DNAJC1: variants seen among roughly 807,000 people sequenced by gnomAD.
DNAJC1 encodes the protein dnaJ homolog subfamily C member 1.
Under a neutral mutation model 76.6 loss-of-function variants are expected in DNAJC1, and 58 were observed. That is an observed-to-expected ratio of 0.76 (90% CI 0.61 to 0.94). The LOEUF is 0.94. Among genes scored for constraint, DNAJC1 ranks in the 40% least tolerant of loss-of-function variants. DNAJC1 has a pLI of 0.00. For missense variants in DNAJC1, 689 were observed against 677.3 expected (o/e 1.02, Z -0.19); for synonymous variants, 258 against 267.9 (o/e 0.96, Z 0.36).
At chr10:21,928,621 G>T in intron 2 of DNAJC1, 69 bp from the exon 3 acceptor site, 1 of 1,267,500 alleles carries the variant, frequency 7.9e-7, no homozygotes, top group Non-Finnish European at 1.2e-6. Context: ...GAGGGTGAAG[G>T]CACTACAATA....
intron 9 of DNAJC1, chr10:21,804,021 T>C: frequency 1.0e-6 from 1 of 965,048 alleles, no homozygotes; most frequent in Non-Finnish European, 1.2e-6. Flanking sequence ...GGGATGAATT[T>C]GCAAAAGTTT....
intron 6 of DNAJC1, among the ~76,000 whole-genome samples, chr10:21,910,766 T>C (rs1032273002): frequency 1.4e-5 from 2 of 140,134 alleles, no homozygotes; most frequent in Non-Finnish European, 3.0e-5. Context: ...CACGTTTCCC[T>C]ATGTAACAAA....
rs1197622577 is a variant in DNAJC1 at position 21,882,353 on chromosome 10, T to C, written c.907A>G (p.Thr303Ala). ...TGTTCCTCAATTTCTTCTATGGAAG[T>C]TCCATGATCATAAGACTGAATATAT... ...TTYIQSYDHG[T>A]SIEEIEEQMD... is the part of the protein sequence containing the mutation. Residue 303 changes from threonine (T) to alanine (A), a missense_variant, in exon 8 of 12, where the codon ACT (threonine) becomes GCT (alanine). By Grantham distance (58) the Thr-to-Ala change is moderately conservative. Coordinates refer to ENST00000376980, the MANE Select transcript of DNAJC1 (RefSeq NM_022365.4). 1 of 1,602,372 alleles carries C rather than the reference T, an allele frequency of 6.2e-7. No individual in the cohort carries two copies. Among genetic ancestry groups the C allele is most frequent in the Non-Finnish European group, 8.5e-7 (1 of 1,176,086 alleles).
intron 6 of DNAJC1, among the ~76,000 whole-genome samples, chr10:21,913,944 C>T (rs1198728036): frequency 1.3e-5 from 2 of 152,158 alleles, no homozygotes; most frequent in Non-Finnish European, 2.9e-5. Context: ...CTTCCTGAAG[C>T]TCCCCCTGCT....
intron 6 of DNAJC1, among the ~76,000 whole-genome samples, chr10:21,916,718 A>C (rs1836961809): frequency 6.6e-6 from 1 of 152,146 alleles, no homozygotes; most frequent in African/African-American, 2.4e-5. Flanking sequence ...AATTAATACA[A>C]AGGTCATCAC....
intron 8 of DNAJC1, among the ~76,000 whole-genome samples, chr10:21,809,999 C>T (rs1484691965): frequency 6.6e-6 from 1 of 151,800 alleles, no homozygotes; most frequent in African/African-American, 2.4e-5. Context: ...TGTCTCTCTT[C>T]CTCTTCTTTT....
At chr10:21,841,313 C>A (rs1442711368) in intron 8 of DNAJC1, among the ~76,000 whole-genome samples, 2 of 152,156 alleles carry the variant, frequency 1.3e-5, no homozygotes, top group African/African-American at 4.8e-5. Flanking sequence ...AGTGAACAGG[C>A]AGCCTACAGA....
chr10:21,756,941 C>T (rs1834182470), intron 11 of DNAJC1, among the ~76,000 whole-genome samples, 186 bp from the exon 12 acceptor site: 1 of 152,176 alleles, frequency 6.6e-6, no homozygotes, highest in African/African-American at 2.4e-5. Flanking sequence ...GCGAGAAGGG[C>T]TCCTGCAAGC....
At chr10:21,791,558 G>C (rs1223697332) in intron 9 of DNAJC1, among the ~76,000 whole-genome samples, 1 of 152,078 alleles carries the variant, frequency 6.6e-6, no homozygotes, top group Non-Finnish European at 1.5e-5. Context: ...TCTGACCACA[G>C]TGAAACAAAA....
chr10:21,826,227 A>C (rs1311181885), intron 8 of DNAJC1, among the ~76,000 whole-genome samples: 3 of 151,634 alleles, frequency 2.0e-5, no homozygotes, highest in Non-Finnish European at 2.9e-5. Context: ...AACAAGAATG[A>C]GACTTTGTCC....
chr10:21,785,129 G>C (rs974649879), intron 9 of DNAJC1, among the ~76,000 whole-genome samples: 1 of 152,154 alleles, frequency 6.6e-6, no homozygotes, highest in African/African-American at 2.4e-5. Flanking sequence ...CCAAAGCAAG[G>C]AAACAGCAAT....
intron 9 of DNAJC1, among the ~76,000 whole-genome samples, chr10:21,796,247 G>A (rs960343893): frequency 3.0e-4 from 45 of 152,092 alleles, no homozygotes; most frequent in African/African-American, 1.1e-3. Flanking sequence ...TAGGATTACA[G>A]GTGTGAGCCA....
intron 7 of DNAJC1, among the ~76,000 whole-genome samples, chr10:21,901,948 G>GC (rs1394197551): frequency 6.6e-6 from 1 of 152,152 alleles, no homozygotes; most frequent in Non-Finnish European, 1.5e-5. Context: ...ATACTGTAAT[G>GC]AAGTTAATAA....
At chr10:21,842,457 T>C (rs1438221786) in intron 8 of DNAJC1, among the ~76,000 whole-genome samples, 1 of 152,176 alleles carries the variant, frequency 6.6e-6, no homozygotes, top group Non-Finnish European at 1.5e-5. Context: ...AAAAAGCGTA[T>C]ATAATTCTGA....
chr10:21,764,302 G>A (rs1049881881), intron 10 of DNAJC1, among the ~76,000 whole-genome samples: 1 of 152,208 alleles, frequency 6.6e-6, no homozygotes, highest in African/African-American at 2.4e-5. Context: ...ATGCACATAT[G>A]TGCATCAGAA....
intron 9 of DNAJC1, among the ~76,000 whole-genome samples, chr10:21,781,862 C>T (rs1834533478): frequency 6.6e-6 from 1 of 151,492 alleles, no homozygotes; most frequent in Non-Finnish European, 1.5e-5. Context: ...AGAACAAAGA[C>T]ACAACATACC....
chr10:21,762,767 G>T (rs189771947), intron 10 of DNAJC1, among the ~76,000 whole-genome samples: 2 of 151,994 alleles, frequency 1.3e-5, no homozygotes, highest in African/African-American at 4.8e-5. Flanking sequence ...ACACCATCAC[G>T]CCTGGCTGTA....
intron 1 of DNAJC1, among the ~76,000 whole-genome samples, chr10:21,937,835 G>A (rs1193701851): frequency 6.6e-6 from 1 of 152,136 alleles, no homozygotes. Context: ...TCACACGTAT[G>A]TGGAAATTAA....
intron 8 of DNAJC1, among the ~76,000 whole-genome samples, chr10:21,850,574 G>C (rs1049727923): frequency 6.7e-6 from 1 of 149,526 alleles, no homozygotes; most frequent in Non-Finnish European, 1.5e-5. Context: ...GCACAAGGGA[G>C]ACAATATTGT....
Sources: gnomAD v4.1 joint callset for allele counts (sites outside exome capture counted in the v4.1 genomes callset) on GRCh38, gnomAD v4.1.1 for gene constraint, MANE v1.5 for transcripts, NCBI Gene and HGNC (gene_info 2026-07-23, HGNC 2026-07-21) for gene names.